Variants in NKAIN2 observed in about 807,000 individuals in gnomAD.
NKAIN2 encodes sodium/potassium transporting ATPase interacting 2.
A neutral mutation model predicts 32.6 loss-of-function variants in NKAIN2; 14 were observed. The ratio of observed to expected loss-of-function variants is 0.43; its 90% CI spans 0.28 to 0.67. The LOEUF (loss-of-function observed/expected upper bound fraction) is 0.67. Ranked by LOEUF, NKAIN2 falls within the 30% of genes least tolerant of loss-of-function variation. The probability of loss-of-function intolerance (pLI) is 0.17; values close to 1 mark genes in which losing one functional copy is unlikely to be tolerated. For missense variants in NKAIN2, 198 were observed against 258.3 expected (o/e 0.77, Z 1.60); for synonymous variants, 80 against 87.2 (o/e 0.92, Z 0.46).
At chr6:124,686,428 C>A (rs1773882080) in intron 4 of NKAIN2, among the ~76,000 whole-genome samples, 1 of 152,018 alleles carries the variant, frequency 6.6e-6, no homozygotes, top group Non-Finnish European at 1.5e-5. Flanking sequence ...AAAAAGGGAG[C>A]AAACACCCGA....
rs867524558 is a variant in NKAIN2 at position 124,407,673 on chromosome 6, T to C, written c.273+52326T>C. ...ATAAACATACGTGTGCATGTGTCTTTATAGCAGCATGATTTATAATCCTTT... is the reference window on the plus strand; with the variant it reads ...ATAAACATACGTGTGCATGTGTCTTCATAGCAGCATGATTTATAATCCTTT... On this transcript the variant is annotated intron_variant, in intron 3 of 6. Coordinates refer to ENST00000368417, the MANE Select transcript of NKAIN2 (RefSeq NM_001040214.3). Among the ~76,000 whole-genome samples the C allele has an allele frequency of 1.5e-3, 221 of 152,150 alleles. 1 individual carries two copies. The highest frequency in any genetic ancestry group is 4.9e-3 in the African/African-American group (202 of 41,532).
intron 3 of NKAIN2, among the ~76,000 whole-genome samples, chr6:124,629,880 T>TA (rs1783496728): frequency 6.6e-6 from 1 of 152,262 alleles, no homozygotes; most frequent in East Asian, 1.9e-4. Flanking sequence ...AAGAGATACT[T>TA]ATGCTAGTAA....
At chr6:123,959,748 T>C (rs941720875) in intron 1 of NKAIN2, among the ~76,000 whole-genome samples, 1 of 151,870 alleles carries the variant, frequency 6.6e-6, no homozygotes, top group Non-Finnish European at 1.5e-5. Flanking sequence ...GAATTTTTTT[T>C]CCCTAGAAGA....
chr6:123,808,737 G>A (rs1183531382), intron 1 of NKAIN2, among the ~76,000 whole-genome samples: 1 of 152,320 alleles, frequency 6.6e-6, no homozygotes, highest in Admixed American at 6.5e-5. Flanking sequence ...GGGCCCGTAT[G>A]TGGGTAATGA....
intron 3 of NKAIN2, among the ~76,000 whole-genome samples, chr6:124,385,873 C>A (rs1370338062): frequency 6.6e-6 from 1 of 151,710 alleles, no homozygotes; most frequent in Non-Finnish European, 1.5e-5. Flanking sequence ...CAAAAAAGTT[C>A]ATGAAAAATA....
chr6:124,502,869 C>T lies in NKAIN2; in HGVS notation c.273+147522C>T, dbSNP rs181425807. On this transcript the variant is annotated intron_variant, in intron 3 of 6. Transcript: ENST00000368417. ...GTCATCACTCTTTCTATGATTTGTG[C>T]ATCATATCTGCTGAGGATAGTGGTT... 3.3e-5 allele frequency among the ~76,000 whole-genome samples: 5 copies of T among 152,202 alleles called. No homozygotes were observed. The East Asian group carries it at 5.8e-4, about 18-fold the overall frequency.
chr6:124,658,610 A>G, intron 4 of NKAIN2: 2 of 1,086,994 alleles, frequency 1.8e-6, no homozygotes, highest in Non-Finnish European at 2.6e-6. Context: ...TGTTATCATC[A>G]GCATTTTACA....
intron 1 of NKAIN2, among the ~76,000 whole-genome samples, chr6:124,168,085 T>G (rs1788661378): frequency 6.6e-6 from 1 of 152,202 alleles, no homozygotes; most frequent in African/African-American, 2.4e-5. Flanking sequence ...GTGAAGAGTT[T>G]GAAGCAAAAT....
At chr6:123,955,947 TA>T (rs1487408945) in intron 1 of NKAIN2, among the ~76,000 whole-genome samples, 2 of 152,154 alleles carry the variant, frequency 1.3e-5, no homozygotes, top group East Asian at 3.9e-4. Flanking sequence ...CATTAATATT[TA>T]AAAGCAGTAT....
intron 4 of NKAIN2, among the ~76,000 whole-genome samples, chr6:124,687,959 C>A (rs998948482): frequency 6.6e-6 from 1 of 151,576 alleles, no homozygotes; most frequent in Non-Finnish European, 1.5e-5. Flanking sequence ...CTGATTAATT[C>A]TTCTTCATTT....
chr6:124,793,926 C>T (rs868715989), intron 5 of NKAIN2, among the ~76,000 whole-genome samples: 1 of 152,116 alleles, frequency 6.6e-6, no homozygotes, highest in Non-Finnish European at 1.5e-5. Flanking sequence ...CCACATGCCC[C>T]ACATGGGAAG....
At chr6:123,823,521 T>C (rs1241485975) in intron 1 of NKAIN2, 1 of 152,138 alleles carries the variant, frequency 6.6e-6, no homozygotes, top group East Asian at 1.9e-4. Context: ...TTGAATTCTT[T>C]TGTACTTGAT....
chr6:124,231,844 C>T (rs1297572090), intron 1 of NKAIN2, among the ~76,000 whole-genome samples: 2 of 127,724 alleles, frequency 1.6e-5, no homozygotes, highest in Admixed American at 8.2e-5. Context: ...TAGATATATA[C>T]TTCTTTATAT....
intron 4 of NKAIN2, among the ~76,000 whole-genome samples, chr6:124,708,310 G>A (rs1403269140): frequency 1.3e-5 from 2 of 151,702 alleles, no homozygotes; most frequent in Non-Finnish European, 2.9e-5. Context: ...GCTTAGGATT[G>A]CCTTGGTGAA....
chr6:124,653,755 A>G (rs994190444), intron 3 of NKAIN2, among the ~76,000 whole-genome samples: 4 of 152,186 alleles, frequency 2.6e-5, no homozygotes, highest in African/African-American at 7.2e-5. Context: ...AAAGACATAT[A>G]TGATAAAAGA....
At chr6:123,948,866 G>A (rs1405807221) in intron 1 of NKAIN2, among the ~76,000 whole-genome samples, 2 of 151,608 alleles carry the variant, frequency 1.3e-5, no homozygotes, top group Admixed American at 1.3e-4. Flanking sequence ...TTTCCCTTAT[G>A]TTTTATTTTA....
At chr6:124,511,873 T>G (rs894509087) in intron 3 of NKAIN2, among the ~76,000 whole-genome samples, 1 of 152,170 alleles carries the variant, frequency 6.6e-6, no homozygotes. Context: ...AGGTGAATAG[T>G]CATTTGCTCA....
In NKAIN2 at chr6:124,799,123, C is replaced by T. The variant is rs151056489; in HGVS notation, c.535+7724C>T. Among the ~76,000 whole-genome samples, 444 of 152,240 alleles carry T rather than the reference C, an allele frequency of 2.9e-3. 1 individual carries two copies. Among genetic ancestry groups the T allele is most frequent in the African/African-American group, 0.01 (428 of 41,540 alleles). ...AACAAGAGTAAGAAAGACATGCTGC[C>T]ATGTATAAAACTAAGTGATCAACAC... is the stretch of plus-strand genomic sequence containing the variant. On this transcript the variant is annotated intron_variant, in intron 5 of 6. Coordinates refer to ENST00000368417, the MANE Select transcript of NKAIN2 (RefSeq NM_001040214.3).
intron 1 of NKAIN2, among the ~76,000 whole-genome samples, chr6:124,071,506 A>G (rs1020834251): frequency 1.3e-5 from 2 of 152,220 alleles, no homozygotes; most frequent in African/African-American, 4.8e-5. Flanking sequence ...GCTTCTCCAC[A>G]GCATAAGAAA....
Sources: allele counts gnomAD v4.1 joint callset (sites outside exome capture counted in the v4.1 genomes callset), GRCh38; gene constraint gnomAD v4.1.1; transcripts MANE v1.5; gene names NCBI Gene and HGNC (gene_info 2026-07-23, HGNC 2026-07-21).